Variants in SASH1 observed in about 807,000 individuals in gnomAD.
SASH1 encodes SAM and SH3 domain containing 1, also known as SAM and SH3 domain-containing protein 1.
Under a neutral mutation model 125.2 loss-of-function variants are expected in SASH1, and 44 were observed. The ratio of observed to expected loss-of-function variants is 0.35; its 90% CI spans 0.28 to 0.45. The LOEUF (loss-of-function observed/expected upper bound fraction) is 0.45. Ranked by LOEUF, SASH1 falls within the 20% of genes least tolerant of loss-of-function variation. The probability of loss-of-function intolerance (pLI) is 1.00; values close to 1 mark genes in which losing one functional copy is unlikely to be tolerated. For synonymous variants in SASH1, 639 were observed against 649.1 expected, an observed-to-expected ratio of 0.98 and a Z score of 0.24; for missense variants, 1,426 against 1,614.5, an observed-to-expected ratio of 0.88 and a Z score of 2.00.
At chr6:148,446,088 CTTTTTTTTTTTTTTTTTTTTTTTTTT>C (rs576798745) in intron 4 of SASH1, among the ~76,000 whole-genome samples, 3 of 71,002 alleles carry the variant, frequency 4.2e-5, no homozygotes, top group Non-Finnish European at 7.9e-5. Context: ...ACATAGGGTT[CTTTTTTTTTTTTTTTTTTTTTTTTTT>C]TTTTTTTTTT....
chr6:148,490,013 TAA>T (rs57304766), intron 8 of SASH1, among the ~76,000 whole-genome samples: 20,544 of 124,864 alleles, frequency 0.16, 1,815 homozygotes, highest in East Asian at 0.46. Flanking sequence ...ATCCTGTCTT[TAA>T]AAAAAAAAAA....
intron 1 of SASH1, among the ~76,000 whole-genome samples, chr6:148,319,177 C>T (rs1780572235): frequency 1.3e-5 from 2 of 151,626 alleles, no homozygotes; most frequent in East Asian, 2.0e-4. Context: ...GGACCACAGG[C>T]GCCCACCACC....
chr6:148,497,711 A>T (rs1331434322), intron 8 of SASH1, among the ~76,000 whole-genome samples: 1 of 152,248 alleles, frequency 6.6e-6, no homozygotes, highest in Non-Finnish European at 1.5e-5. Flanking sequence ...GTCAGAACAA[A>T]CTTAATGTAA....
At chr6:148,527,623 C>T (rs1431108628) in intron 12 of SASH1, 27 bp downstream of exon 12, 2 of 1,582,560 alleles carry the variant, frequency 1.3e-6, no homozygotes, top group African/African-American at 2.7e-5. Flanking sequence ...TAGAATGTTC[C>T]CTTGGTTCTT....
intron 1 of SASH1, among the ~76,000 whole-genome samples, chr6:148,362,298 C>T (rs905337016): frequency 6.6e-6 from 1 of 151,558 alleles, no homozygotes; most frequent in African/African-American, 2.4e-5. Flanking sequence ...TCTTGGCTCA[C>T]TACAACCTCT....
intron 2 of SASH1, among the ~76,000 whole-genome samples, chr6:148,423,487 C>T (rs532933537): frequency 6.6e-6 from 1 of 152,304 alleles, no homozygotes; most frequent in South Asian, 2.1e-4. Flanking sequence ...AATAGTGACA[C>T]TTCATTAGTA....
chr6:148,392,389 A>C (rs922990612), intron 2 of SASH1, among the ~76,000 whole-genome samples: 1 of 152,178 alleles, frequency 6.6e-6, no homozygotes, highest in African/African-American at 2.4e-5. Context: ...CACACACACA[A>C]AAATAATAAT....
At chr6:148,206,798 C>CAA in the SASH1 span, among the ~76,000 whole-genome samples, 1 of 147,302 alleles carries the variant, frequency 6.8e-6, no homozygotes, top group Non-Finnish European at 1.5e-5. Context: ...TCAAAGCACA[C>CAA]ACACACACAC....
At position 148,550,785 on chromosome 6, in the gene SASH1, G is replaced by A. The variant is rs1488603375; in HGVS notation, c.*2227G>A. On this transcript the variant is annotated 3_prime_UTR_variant, in exon 20 of 20. Coordinates refer to ENST00000367467, the MANE Select transcript of SASH1 (RefSeq NM_015278.5). ...TCTCTTCCTGCTCTCAAAATACCTCGGCTTGACATTTGGACAGATCCTGTC... is the reference window on the plus strand; with the variant it reads ...TCTCTTCCTGCTCTCAAAATACCTCAGCTTGACATTTGGACAGATCCTGTC... 2 of 152,140 alleles carry A rather than the reference G, an allele frequency of 1.3e-5. No individual in the cohort carries two copies. The highest frequency in any genetic ancestry group is 3.8e-4 in the East Asian group (2 of 5,204). The allele number at this position is 152,140 out of a possible 1,614,324, so 9.4% of individuals were successfully genotyped here. A position where few individuals can be genotyped will look rare whatever the true frequency, so the allele number is the denominator to read the frequency against.
intron 17 of SASH1, among the ~76,000 whole-genome samples, chr6:148,543,243 C>A (rs1483653025): frequency 1.3e-5 from 2 of 152,090 alleles, no homozygotes; most frequent in African/African-American, 4.8e-5. Context: ...GTAGGGGATA[C>A]CATTTATAGA....
At chr6:148,423,851 TG>T (rs1775684658) in intron 2 of SASH1, among the ~76,000 whole-genome samples, 2 of 152,172 alleles carry the variant, frequency 1.3e-5, no homozygotes, top group Admixed American at 1.3e-4. Flanking sequence ...TTCAAATGTT[TG>T]AGTGATTGGG....
intron 1 of SASH1, among the ~76,000 whole-genome samples, chr6:148,286,166 A>G (rs1779477021): frequency 6.6e-6 from 1 of 152,140 alleles, no homozygotes; most frequent in African/African-American, 2.4e-5. Flanking sequence ...GTCCTGTATT[A>G]GATCATGCCA....
intron 4 of SASH1, among the ~76,000 whole-genome samples, chr6:148,449,078 C>CTTTTTCTTTTTCTT: frequency 1.1e-5 from 1 of 88,736 alleles, no homozygotes. Context: ...CATTTCATTT[C>CTTTTTCTTTTTCTT]TTTTTTTTTT....
intron 5 of SASH1, among the ~76,000 whole-genome samples, chr6:148,469,283 A>G (rs1050924798): frequency 1.3e-5 from 2 of 152,342 alleles, no homozygotes; most frequent in African/African-American, 4.8e-5. Flanking sequence ...GATGTGTCAT[A>G]TAATTGAGTA....
chr6:148,364,719 C>T (rs1181762825), intron 1 of SASH1, among the ~76,000 whole-genome samples: 1 of 152,208 alleles, frequency 6.6e-6, no homozygotes, highest in Non-Finnish European at 1.5e-5. Flanking sequence ...ATAGAGTCTG[C>T]ATCATCCCCA....
intron 1 of SASH1, among the ~76,000 whole-genome samples, chr6:148,282,856 C>A (rs1779378593): frequency 6.6e-6 from 1 of 152,088 alleles, no homozygotes; most frequent in Non-Finnish European, 1.5e-5. Context: ...ACAGTCCAAC[C>A]CTAGTCCCCC....
Position 148,514,418 on chromosome 6 carries a change from T to A in SASH1, c.824T>A (p.Leu275Gln), listed in dbSNP as rs747724759. ...TCCACTCGCAGAGTCAGAAAGAAAC[T>A]AATTAGGGTGGAAGAAATGAAAAAA... ...VNSTRRVRKK[L>Q]IRVEEMKKPS... Residue 275 changes from leucine to glutamine, a missense_variant, in exon 9 of 20, where the codon CTA becomes CAA. Leu to Gln is a moderately radical substitution (Grantham distance 113). Transcript: ENST00000367467. The A allele has an allele frequency of 8.1e-7, 1 of 1,241,890 alleles. No individual in the cohort carries two copies. The highest frequency in any genetic ancestry group is 2.2e-5 in the African/African-American group (1 of 45,426). The allele number at this position is 1,241,890 out of a possible 1,614,324, so 76.9% of individuals were successfully genotyped here.
At chr6:148,435,188 G>T (rs1452711828) in intron 2 of SASH1, among the ~76,000 whole-genome samples, 1 of 152,084 alleles carries the variant, frequency 6.6e-6, no homozygotes, top group Admixed American at 6.6e-5. Context: ...GACCAGCCTG[G>T]CCAATATGGT....
the SASH1 span, among the ~76,000 whole-genome samples, chr6:148,215,093 A>G: frequency 6.6e-6 from 1 of 152,188 alleles, no homozygotes; most frequent in African/African-American, 2.4e-5. Context: ...GAATTCTGCC[A>G]TGCTGTCACT....
Sources: allele counts gnomAD v4.1 joint callset (sites outside exome capture counted in the v4.1 genomes callset), GRCh38; gene constraint gnomAD v4.1.1; transcripts MANE v1.5; gene names NCBI Gene and HGNC (gene_info 2026-07-23, HGNC 2026-07-21).